Variants in NLRP11 observed in about 807,000 individuals in gnomAD.
NLRP11 encodes the protein NACHT, LRR and PYD domains-containing protein 11.
NLRP11 carries 53 observed loss-of-function variants against 79.3 expected under a neutral mutation model. That is an observed-to-expected ratio of 0.67 (90% CI 0.54 to 0.84). The LOEUF (loss-of-function observed/expected upper bound fraction) is 0.84, where lower values mean the gene tolerates loss of function less well. Ranked by LOEUF, NLRP11 falls within the 40% of genes least tolerant of loss-of-function variation. The pLI is 0.00. For missense variants in NLRP11, 1,264 were observed against 1,255.0 expected, an observed-to-expected ratio of 1.01 and a Z score of -0.11; for synonymous variants, 518 against 462.6, an observed-to-expected ratio of 1.12 and a Z score of -1.54.
At chr19:55,794,736 G>A (rs1290981249) in intron 6 of NLRP11, among the ~76,000 whole-genome samples, 2 of 151,920 alleles carry the variant, frequency 1.3e-5, no homozygotes, top group Non-Finnish European at 2.9e-5. Context: ...CTCCAGCCTG[G>A]GCAATACAGC....
intron 1 of NLRP11, among the ~76,000 whole-genome samples, chr19:55,828,748 A>C (rs1034506492): frequency 2.0e-5 from 3 of 152,212 alleles, no homozygotes; most frequent in African/African-American, 7.2e-5. Context: ...TTGGGACTTA[A>C]TATTTAATTA....
chr19:55,818,083 G>T (rs760870911), exon 2 of NLRP11: 1 of 1,613,786 alleles, frequency 6.2e-7, no homozygotes, highest in Admixed American at 1.7e-5. Flanking sequence ...AATCTTGCGT[G>T]CCAGATACTT....
upstream of NLRP11, chr19:55,832,926 G>T (rs971436149): frequency 6.6e-6 from 1 of 152,170 alleles, no homozygotes; most frequent in Admixed American, 6.6e-5. Flanking sequence ...CTGAAAGAAA[G>T]AGGCGAAATT....
chr19:55,814,408 A>G (rs775374348), intron 2 of NLRP11, among the ~76,000 whole-genome samples: 3 of 152,052 alleles, frequency 2.0e-5, no homozygotes, highest in African/African-American at 4.8e-5. Context: ...CAAACCATCC[A>G]TCTCCACCCC....
At chr19:55,806,529 C>T (rs1980006099) in intron 4 of NLRP11, among the ~76,000 whole-genome samples, 1 of 152,188 alleles carries the variant, frequency 6.6e-6, no homozygotes, top group East Asian at 1.9e-4. Context: ...CTACTATTCA[C>T]ACCCTCAGAG....
At chr19:55,833,694 G>A (rs868297189), upstream of NLRP11, among the ~76,000 whole-genome samples, 2 of 150,436 alleles carry the variant, frequency 1.3e-5, no homozygotes, top group Middle Eastern at 3.4e-3. Context: ...CTTGAGCCCG[G>A]GAGGAGGAGC....
chr19:55,811,646 C>G (rs1486027313), intron 2 of NLRP11, among the ~76,000 whole-genome samples: 2 of 152,030 alleles, frequency 1.3e-5, no homozygotes, highest in Admixed American at 6.6e-5. Context: ...AGGACTTTCT[C>G]CTTACTGTTT....
In NLRP11 at chr19:55,810,153, C is replaced by A; in HGVS notation, c.457G>T (p.Gly153Ter). ...ATAGTTTTTCCAGATGCTCTCTCTC[C>A]CATCAGGAACACATTGAGATTGTTT... Residue 153 changes from glycine to a stop codon, truncating the protein, a stop_gained, in exon 3 of 10, where the codon GGA becomes TGA. Coordinates refer to ENST00000589093, the Ensembl canonical transcript of NLRP11. LOFTEE classifies it high-confidence loss of function. The A allele has an allele frequency of 6.2e-7, 1 of 1,613,754 alleles. No individual in the cohort carries two copies. The highest frequency in any genetic ancestry group is 8.5e-7 in the Non-Finnish European group (1 of 1,179,650).
chr19:55,807,343 T>TC (rs1270683396), intron 4 of NLRP11, among the ~76,000 whole-genome samples: 1 of 152,168 alleles, frequency 6.6e-6, no homozygotes, highest in East Asian at 1.9e-4. Flanking sequence ...CAGCTGCTTT[T>TC]CACCTGATTC....
chr19:55,786,170 G>A (rs889562642), intron 9 of NLRP11, among the ~76,000 whole-genome samples: 1 of 152,154 alleles, frequency 6.6e-6, no homozygotes, highest in African/African-American at 2.4e-5. Flanking sequence ...TCCTCACAAT[G>A]GGTAATGGCA....
intron 3 of NLRP11, 98 bp downstream of exon 3, chr19:55,808,671 T>G: frequency 9.0e-7 from 1 of 1,108,434 alleles, no homozygotes; most frequent in Non-Finnish European, 1.3e-6. Context: ...GTCAAGTTCT[T>G]CATGGCCCCG....
At position 55,793,556 on chromosome 19, in the gene NLRP11, CAAAAAAAAAA is replaced by C. The variant is rs59605427; in HGVS notation, c.2343-1095_2343-1086del. Among the ~76,000 whole-genome samples the C allele has an allele frequency of 1.4e-3, 51 of 35,694 alleles. 1 individual carries two copies. Among genetic ancestry groups the C allele is most frequent in the South Asian group, 2.6e-3 (1 of 390 alleles). The allele number at this position is 35,694 out of a possible 152,430, so 23.4% of individuals were successfully genotyped here. A position where few individuals can be genotyped will look rare whatever the true frequency, so the allele number is the denominator to read the frequency against. On this transcript the variant is annotated intron_variant, in intron 6 of 9. Coordinates refer to ENST00000589093, the Ensembl canonical transcript of NLRP11. ...GCACTCCAGCCTGGGTGACTGTCTC[CAAAAAAAAAA>C]AAAAAAAAAAAAAAAAAAAAAGTTG...
chr19:55,807,813 C>T (rs1980141598), intron 4 of NLRP11, 40 bp downstream of exon 4: 1 of 1,424,206 alleles, frequency 7.0e-7, no homozygotes, highest in Non-Finnish European at 9.7e-7. Context: ...ACCGTTATTC[C>T]TAGGGGAACC....
chr19:55,824,166 C>T (rs1982082094), intron 1 of NLRP11, among the ~76,000 whole-genome samples: 1 of 136,760 alleles, frequency 7.3e-6, no homozygotes, highest in South Asian at 2.3e-4. Context: ...CCAAACTAAG[C>T]TTCATAAGTG....
intron 5 of NLRP11, 67 bp downstream of exon 5, chr19:55,801,505 C>T (rs1979471899): frequency 7.6e-7 from 1 of 1,309,400 alleles, no homozygotes; most frequent in Non-Finnish European, 1.1e-6. Context: ...TGAAGGGGCA[C>T]CTCTATCCAC....
intron 1 of NLRP11, among the ~76,000 whole-genome samples, chr19:55,820,253 G>A (rs1482649755): frequency 6.6e-6 from 1 of 152,142 alleles, no homozygotes; most frequent in East Asian, 1.9e-4. Context: ...GTTTCAGAAG[G>A]CACGCATGCA....
chr19:55,789,060 C>T (rs1990079322), intron 8 of NLRP11, 83 bp from the exon 9 acceptor site: 3 of 1,500,174 alleles, frequency 2.0e-6, no homozygotes, highest in Non-Finnish European at 2.8e-6. Flanking sequence ...TGGACATCTA[C>T]TAGATCCCTC....
intron 1 of NLRP11, among the ~76,000 whole-genome samples, chr19:55,831,523 C>T (rs1004384661): frequency 6.6e-5 from 10 of 152,132 alleles, no homozygotes; most frequent in African/African-American, 2.4e-4. Context: ...GATCACACCA[C>T]TGCACGCCAG....
At chr19:55,796,334 ACC>A in intron 5 of NLRP11, 84 bp from the exon 6 acceptor site, 2 of 1,127,344 alleles carry the variant, frequency 1.8e-6, no homozygotes, top group Non-Finnish European at 2.5e-6. Context: ...AAAAAGAGAG[ACC>A]TAACCAAGTG....
Sources: gnomAD v4.1 joint callset for allele counts (sites outside exome capture counted in the v4.1 genomes callset) on GRCh38, gnomAD v4.1.1 for gene constraint, MANE v1.5 for transcripts, NCBI Gene and HGNC (gene_info 2026-07-23, HGNC 2026-07-21) for gene names.